The following HS3ST4 variants were observed in gnomAD, a reference collection of about 807,000 sequenced individuals.
HS3ST4 encodes the protein heparan sulfate-glucosamine 3-sulfotransferase 4.
Under a neutral mutation model 29.2 loss-of-function variants are expected in HS3ST4, and 17 were observed. That is an observed-to-expected ratio of 0.58 (90% CI 0.40 to 0.87). HS3ST4 has a LOEUF of 0.87. Among genes scored for constraint, HS3ST4 ranks in the 40% least tolerant of loss-of-function variants. The pLI, the probability that HS3ST4 is intolerant of heterozygous loss-of-function variation, is 0.00. For synonymous variants in HS3ST4, 314 were observed against 285.7 expected (o/e 1.10, Z -1.00); for missense variants, 627 against 634.5 (o/e 0.99, Z 0.13).
In HS3ST4 at chr16:25,753,855, C is replaced by T. The variant is rs539680797; in HGVS notation, c.734+60704C>T. Among the ~76,000 whole-genome samples the T allele has an allele frequency of 1.1e-4, 16 of 152,084 alleles. No homozygotes were observed. In the South Asian group the frequency reaches 2.5e-3, roughly 24 times the overall value. On this transcript the variant is annotated intron_variant, in intron 1 of 1. Coordinates refer to ENST00000331351, the MANE Select transcript of HS3ST4 (RefSeq NM_006040.3). Reference sequence around the variant, plus strand: ...AATCAATAAATTTATTAAATTTTCCCGTATTTATTCAGCACCTACAATGTG... The same window carrying T: ...AATCAATAAATTTATTAAATTTTCCTGTATTTATTCAGCACCTACAATGTG...
chr16:25,773,633 G>A (rs1966844911), intron 1 of HS3ST4, among the ~76,000 whole-genome samples: 1 of 152,166 alleles, frequency 6.6e-6, no homozygotes, highest in African/African-American at 2.4e-5. Flanking sequence ...TGAAATGCTG[G>A]CGATGCAGGA....
intron 1 of HS3ST4, among the ~76,000 whole-genome samples, chr16:25,900,283 A>T (rs1968109214): frequency 6.6e-6 from 1 of 152,184 alleles, no homozygotes; most frequent in Non-Finnish European, 1.5e-5. Context: ...TATTGTTATT[A>T]ATGTCATTAA....
intron 1 of HS3ST4, among the ~76,000 whole-genome samples, chr16:25,760,409 C>T (rs1008130926): frequency 1.5e-5 from 2 of 137,286 alleles, no homozygotes; most frequent in African/African-American, 5.5e-5. Context: ...TAGGACCCAC[C>T]CTAATGACTC....
At chr16:25,905,941 C>T (rs976825864) in intron 1 of HS3ST4, among the ~76,000 whole-genome samples, 1 of 152,112 alleles carries the variant, frequency 6.6e-6, no homozygotes, top group Non-Finnish European at 1.5e-5. Flanking sequence ...AGTTATAAAT[C>T]CCCAGAACAT....
intron 1 of HS3ST4, chr16:25,824,932 A>G (rs1967200682): frequency 6.6e-6 from 1 of 152,234 alleles, no homozygotes; most frequent in Non-Finnish European, 1.5e-5. Context: ...TAACACCCAG[A>G]ACCAGTGAAT....
intron 1 of HS3ST4, among the ~76,000 whole-genome samples, chr16:25,998,259 CA>C (rs1009332403): frequency 1.3e-5 from 2 of 150,760 alleles, no homozygotes; most frequent in Non-Finnish European, 2.9e-5. Flanking sequence ...CCAGCCTGGG[CA>C]ACAAAGCAAG....
intron 1 of HS3ST4, among the ~76,000 whole-genome samples, chr16:25,893,464 A>T (rs114900586): frequency 0.015 from 2,254 of 152,282 alleles, 69 homozygotes; most frequent in African/African-American, 0.052. Context: ...GTGGACCAGG[A>T]AGGGATCCCG....
intron 1 of HS3ST4, among the ~76,000 whole-genome samples, chr16:26,131,864 C>T (rs1899424862): frequency 6.6e-6 from 1 of 152,182 alleles, no homozygotes; most frequent in African/African-American, 2.4e-5. Flanking sequence ...CATCTATTCA[C>T]TCAACAGATA....
chr16:25,996,057 G>T lies in HS3ST4; in HGVS notation c.735-139555G>T, dbSNP rs374787741. ...GATAAGATGGACCAGGAGATAATCA[G>T]TACAAATAATAATACAGGAAATTCT... is the stretch of plus-strand genomic sequence containing the variant. On this transcript the variant is annotated intron_variant, in intron 1 of 1. Transcript: ENST00000331351. Among the ~76,000 whole-genome samples the T allele has an allele frequency of 1.4e-4, 21 of 150,460 alleles. No homozygotes were observed. In the East Asian group the frequency reaches 2.9e-3, roughly 21 times the overall value.
chr16:25,928,445 A>G (rs779757164), intron 1 of HS3ST4, among the ~76,000 whole-genome samples: 3 of 152,176 alleles, frequency 2.0e-5, no homozygotes, highest in Non-Finnish European at 2.9e-5. Flanking sequence ...AAAGCCAACA[A>G]CAAAATCACA....
chr16:25,788,556 T>A (rs1400661123), intron 1 of HS3ST4, among the ~76,000 whole-genome samples: 3 of 146,130 alleles, frequency 2.1e-5, no homozygotes, highest in Non-Finnish European at 4.5e-5. Flanking sequence ...TTTTTTTTTT[T>A]TTTTGACAGG....
At chr16:25,727,083 G>A (rs1966540986) in intron 1 of HS3ST4, among the ~76,000 whole-genome samples, 1 of 151,950 alleles carries the variant, frequency 6.6e-6, no homozygotes, top group South Asian at 2.1e-4. Context: ...CTTTGGAGTT[G>A]GAGAATATAA....
chr16:26,072,448 C>T (rs1898613346), intron 1 of HS3ST4, among the ~76,000 whole-genome samples: 1 of 152,084 alleles, frequency 6.6e-6, no homozygotes, highest in Non-Finnish European at 1.5e-5. Context: ...CTCTAGAGCC[C>T]TGTAATTGGC....
At chr16:25,812,818 C>G (rs879649166) in intron 1 of HS3ST4, among the ~76,000 whole-genome samples, 3 of 152,104 alleles carry the variant, frequency 2.0e-5, no homozygotes, top group Non-Finnish European at 4.4e-5. Flanking sequence ...CCCTCCACCT[C>G]TGTCTCTCGA....
At chr16:25,847,013 G>GT (rs5816327) in intron 1 of HS3ST4, among the ~76,000 whole-genome samples, 18,813 of 138,208 alleles carry the variant, frequency 0.14, 1,264 homozygotes, top group Middle Eastern at 0.17. Context: ...ATCAACACGA[G>GT]TTTTTTTTTT....
At chr16:26,071,297 G>C (rs1898601090) in intron 1 of HS3ST4, among the ~76,000 whole-genome samples, 1 of 152,164 alleles carries the variant, frequency 6.6e-6, no homozygotes. Context: ...GGATGATGGG[G>C]AAGCGGCTGT....
rs1274053395 is a variant in HS3ST4, at chr16:25,798,116, A to G, written c.734+104965A>G. On this transcript the variant is annotated intron_variant, in intron 1 of 1. Coordinates refer to ENST00000331351, the MANE Select transcript of HS3ST4 (RefSeq NM_006040.3). ...TAAGTCATCATATCTCAAAGGGAGT[A>G]AAAAACTCCCTCACTTCCAAGGAGA... is the stretch of plus-strand genomic sequence containing the variant. Among the ~76,000 whole-genome samples the G allele has an allele frequency of 2.0e-5, 3 of 152,128 alleles. No individual in the cohort carries two copies. The East Asian group carries it at 5.8e-4, about 29-fold the overall frequency.
chr16:25,693,328 C>T (rs560918891), intron 1 of HS3ST4, among the ~76,000 whole-genome samples, 177 bp downstream of exon 1: 171 of 152,246 alleles, frequency 1.1e-3, no homozygotes, highest in African/African-American at 4.0e-3. Flanking sequence ...GGGCTGGACT[C>T]CAGCGAAAGG....
intron 1 of HS3ST4, among the ~76,000 whole-genome samples, chr16:25,703,616 C>T (rs938116381): frequency 4.6e-5 from 7 of 152,246 alleles, no homozygotes; most frequent in Non-Finnish European, 7.3e-5. Context: ...AAATAATAAG[C>T]TTCAGCATTT....
Sources: allele counts gnomAD v4.1 joint callset (sites outside exome capture counted in the v4.1 genomes callset), GRCh38; gene constraint gnomAD v4.1.1; transcripts MANE v1.5; gene names NCBI Gene and HGNC (gene_info 2026-07-23, HGNC 2026-07-21).